The following INTS10 variants were observed in gnomAD, a reference collection of about 807,000 sequenced individuals.
The protein encoded by INTS10 is chromosome 8 open reading frame 35.
Under a neutral mutation model 94.4 loss-of-function variants are expected in INTS10, and 44 were observed. The observed-to-expected ratio is 0.47, with a 90% CI of 0.37 to 0.60. The LOEUF (loss-of-function observed/expected upper bound fraction) is 0.60, where lower values mean the gene tolerates loss of function less well. Ranked by LOEUF, INTS10 falls within the 20% of genes least tolerant of loss-of-function variation. INTS10 has a pLI of 0.00. For missense variants in INTS10, 797 were observed against 868.7 expected (o/e 0.92, Z 1.04); for synonymous variants, 341 against 320.7 (o/e 1.06, Z -0.68).
At position 19,846,464 on chromosome 8, in the gene INTS10, T is replaced by G. The variant is rs2068598911; in HGVS notation, c.1976+667T>G. ...AAAAAACAAACAAACAAAACAGCTG[T>G]GCTTAATTAAAATTGTGCTGGGTTA... is the stretch of plus-strand genomic sequence containing the variant. On this transcript the variant is annotated intron_variant, in intron 16 of 16. Coordinates refer to ENST00000397977, the MANE Select transcript of INTS10 (RefSeq NM_018142.4). This position sits in a 1 kb window ranked among gnomAD's most constrained non-coding sequence, Gnocchi z 4.2. Among the ~76,000 whole-genome samples the G allele has an allele frequency of 1.3e-5, 2 of 151,406 alleles. No homozygotes were observed. Among genetic ancestry groups the G allele is most frequent in the Admixed American group, 1.3e-4 (2 of 15,226 alleles).
intron 13 of INTS10, 147 bp downstream of exon 13, chr8:19,837,307 T>C (rs191241653): frequency 1.3e-5 from 8 of 618,090 alleles, no homozygotes; most frequent in Non-Finnish European, 2.3e-5. Context: ...CTGGGCAATG[T>C]AGTGAGACCC....
intron 15 of INTS10, 76 bp downstream of exon 15, chr8:19,844,314 C>T: frequency 2.8e-6 from 3 of 1,082,026 alleles, no homozygotes; most frequent in Non-Finnish European, 4.1e-6. Context: ...AAAGAATGAA[C>T]CATTCTGGAT....
rs182562710 is a variant in INTS10, at chr8:19,846,692, T to C, written c.1976+895T>C. ...CTGAACTCACAAGATGTTACTAAAA[T>C]TCCGGGTTGGCCCAGATGAAAATGC... On this transcript the variant is annotated intron_variant, in intron 16 of 16. Coordinates refer to ENST00000397977, the MANE Select transcript of INTS10 (RefSeq NM_018142.4). This position sits in a 1 kb window ranked among gnomAD's most constrained non-coding sequence, Gnocchi z 4.2. 2.1e-3 allele frequency among the ~76,000 whole-genome samples: 318 copies of C among 152,316 alleles called. 1 individual carries two copies. The highest frequency in any genetic ancestry group is 3.5e-3 in the Non-Finnish European group (240 of 68,032).
intron 1 of INTS10, 37 bp downstream of exon 1, chr8:19,817,703 G>A (rs756846359): frequency 3.2e-6 from 5 of 1,582,588 alleles, no homozygotes; most frequent in Admixed American, 1.7e-5. Context: ...GCTCTGCGTG[G>A]AGGTGCGCGC....
intron 9 of INTS10, among the ~76,000 whole-genome samples, chr8:19,827,439 A>C (rs2066889850): frequency 6.6e-6 from 1 of 151,820 alleles, no homozygotes; most frequent in African/African-American, 2.4e-5. Flanking sequence ...TTGTTTATTC[A>C]CTGACTGGTT....
intron 13 of INTS10, among the ~76,000 whole-genome samples, chr8:19,840,990 T>C (rs369079625): frequency 1.3e-4 from 20 of 152,260 alleles, no homozygotes; most frequent in African/African-American, 4.3e-4. Flanking sequence ...ATTAGGTGGA[T>C]AGGACTGACC....
rs1243991581 is a variant in INTS10, at chr8:19,849,977, G to A, written c.1977-1672G>A. 6.6e-6 allele frequency among the ~76,000 whole-genome samples: 1 copy of A among 151,966 alleles called. No homozygotes were observed. Among genetic ancestry groups the A allele is most frequent in the Non-Finnish European group, 1.5e-5 (1 of 67,984 alleles). The stretch of plus-strand genomic sequence containing the variant: ...GTGGTATTAAAAGCAGGGTTTATTA[G>A]CCAGGCCTGGTGGCATATGCCTGTA... On this transcript the variant is annotated intron_variant, in intron 16 of 16. Transcript: ENST00000397977. This position sits in a 1 kb window ranked among gnomAD's most constrained non-coding sequence, Gnocchi z 4.6.
intron 3 of INTS10, among the ~76,000 whole-genome samples, chr8:19,820,170 T>C (rs990046174): frequency 1.4e-5 from 2 of 142,108 alleles, no homozygotes; most frequent in South Asian, 4.4e-4. Context: ...ATTTGATCAG[T>C]CTTGCAAATA....
intron 15 of INTS10, chr8:19,845,423 C>T (rs890175444): frequency 2.3e-5 from 8 of 344,200 alleles, no homozygotes; most frequent in African/African-American, 1.6e-4. Context: ...TAGCCTGGCA[C>T]ATCTCATGCC....
chr8:19,818,629 A>G, intron 2 of INTS10: 1 of 419,036 alleles, frequency 2.4e-6, no homozygotes. Flanking sequence ...TACTTGTTAT[A>G]GAGAACAAAA....
chr8:19,818,475 T>A, intron 2 of INTS10, 133 bp downstream of exon 2: 1 of 829,626 alleles, frequency 1.2e-6, no homozygotes, highest in Non-Finnish European at 2.0e-6. Context: ...GCAAACCTAG[T>A]AAGGAGTCCA....
In INTS10 at chr8:19,851,881, C is replaced by A. The variant is rs972178881; in HGVS notation, c.*76C>A. 4 of 1,323,204 alleles carry A rather than the reference C, an allele frequency of 3.0e-6. No individual in the cohort carries two copies. Among genetic ancestry groups the A allele is most frequent in the African/African-American group, 1.4e-5 (1 of 68,996 alleles). 82.0% of individuals were successfully genotyped at this position (1,323,204 alleles called of 1,614,324 possible). A position where few individuals can be genotyped will look rare whatever the true frequency, so the allele number is the denominator to read the frequency against. On this transcript the variant is annotated 3_prime_UTR_variant, in exon 17 of 17. Transcript: ENST00000397977. The surrounding 1 kb of genome is among the most constrained non-coding windows in gnomAD (Gnocchi z 5.0). The stretch of plus-strand genomic sequence containing the variant: ...AGACACTCAGCAGTGATTGCCATGG[C>A]ACAGAGCCGTGGTCATTGTTGCTGT...
At chr8:19,827,397 T>G (rs548767044) in intron 9 of INTS10, among the ~76,000 whole-genome samples, 7 of 152,230 alleles carry the variant, frequency 4.6e-5, no homozygotes, top group Non-Finnish European at 1.0e-4. Flanking sequence ...TTTTTAATTC[T>G]CTGCAGCATC....
intron 16 of INTS10, chr8:19,848,990 A>G: frequency 3.5e-6 from 1 of 284,344 alleles, no homozygotes; most frequent in Non-Finnish European, 7.4e-6. Flanking sequence ...AGGGCTGGCT[A>G]GCTTCTCCCC....
At chr8:19,836,577 C>A (rs1407897053) in intron 12 of INTS10, among the ~76,000 whole-genome samples, 1 of 152,202 alleles carries the variant, frequency 6.6e-6, no homozygotes, top group Non-Finnish European at 1.5e-5. Flanking sequence ...AGGCTTAGGT[C>A]AAGATAACCT....
At chr8:19,832,237 C>T in intron 11 of INTS10, 127 bp downstream of exon 11, 1 of 643,836 alleles carries the variant, frequency 1.6e-6, no homozygotes, top group Non-Finnish European at 2.9e-6. Flanking sequence ...GACACCTGTT[C>T]TGTTTTCAGT....
intron 9 of INTS10, among the ~76,000 whole-genome samples, chr8:19,829,212 A>G (rs768614968): frequency 4.6e-5 from 7 of 152,200 alleles, no homozygotes; most frequent in Non-Finnish European, 8.8e-5. Context: ...GTATACATGT[A>G]GTTGCACATA....
intron 2 of INTS10, 35 bp downstream of exon 2, chr8:19,818,377 T>C: frequency 1.9e-6 from 3 of 1,597,090 alleles, no homozygotes; most frequent in African/African-American, 1.3e-5. Flanking sequence ...TTTACTGCAC[T>C]GAATCTCTCC....
rs1268209875 is a variant in INTS10 at position 19,818,340 on chromosome 8, C to A, written c.195C>A (p.Asp65Glu). The change falls in exon 2 of 17, where the codon GAC (aspartate) becomes GAA (glutamate). Residue 65 changes from aspartate (D) to glutamate (E), a missense_variant and splice_region_variant. Coordinates refer to ENST00000397977, the MANE Select transcript of INTS10 (RefSeq NM_018142.4). The stretch of plus-strand genomic sequence containing the variant: ...CCACCGCCGGGAGGCTGCTGTACGA[C>A]ATGTGAGTGGGACGCTTGACATCAC... ...RTATAGRLLY[D>E]MFVNFPDQPV... The A allele has an allele frequency of 2.0e-5, 33 of 1,613,934 alleles. No individual in the cohort carries two copies. Among genetic ancestry groups the A allele is most frequent in the Non-Finnish European group, 2.6e-5 (31 of 1,179,938 alleles).
Sources: gnomAD v4.1 joint callset for allele counts (sites outside exome capture counted in the v4.1 genomes callset) on GRCh38, gnomAD v4.1.1 for gene constraint, Gnocchi (gnomAD v3.1) non-coding constraint, MANE v1.5 for transcripts, NCBI Gene and HGNC (gene_info 2026-07-23, HGNC 2026-07-21) for gene names.